LOC400499: variants seen among roughly 807,000 people sequenced by gnomAD.
At chr16:11,388,645 G>A in the LOC400499 span, among the ~76,000 whole-genome samples, 103,985 of 151,956 alleles carry the variant, frequency 0.68, 38,516 homozygotes, top group Non-Finnish European at 0.82. Flanking sequence ...GGCCAAAAGG[G>A]TCTTTTAAAG....
chr16:11,383,712 G>C, the LOC400499 span: 50 of 1,232,400 alleles, frequency 4.1e-5, no homozygotes, highest in Non-Finnish European at 5.1e-5. Context: ...CCGCCAGGTT[G>C]CAGGCAGGCT....
At chr16:11,397,427 C>T in the LOC400499 span, among the ~76,000 whole-genome samples, 3 of 152,120 alleles carry the variant, frequency 2.0e-5, no homozygotes, top group African/African-American at 7.2e-5. Context: ...GCACGTGCCA[C>T]CGTGCCCAGC....
the LOC400499 span, among the ~76,000 whole-genome samples, chr16:11,407,971 T>TTTTTTTTTTTTTG: frequency 1.2e-4 from 1 of 8,644 alleles, no homozygotes; most frequent in African/African-American, 1.8e-4. Flanking sequence ...TCCAGAGCTG[T>TTTTTTTTTTTTTG]TTTTTTTTTT....
chr16:11,460,711 A>AC, the LOC400499 span: 3 of 1,422,038 alleles, frequency 2.1e-6, no homozygotes, highest in Non-Finnish European at 2.8e-6. Flanking sequence ...CCTCAGCCAC[A>AC]CCCCCCATGC....
chr16:11,466,424 G>A, the LOC400499 span, among the ~76,000 whole-genome samples: 14 of 150,712 alleles, frequency 9.3e-5, no homozygotes, highest in Admixed American at 3.3e-4. Context: ...GTCTCGCTCT[G>A]TTGCCCAGGC....
the LOC400499 span, among the ~76,000 whole-genome samples, chr16:11,454,758 C>T: frequency 6.6e-6 from 1 of 152,218 alleles, no homozygotes; most frequent in Non-Finnish European, 1.5e-5. Flanking sequence ...GAATACACCT[C>T]CAATGTATGC....
At chr16:11,523,428 G>T in the LOC400499 span, 1 of 398,762 alleles carries the variant, frequency 2.5e-6, no homozygotes, top group Non-Finnish European at 4.4e-6. Context: ...ACCTGTGCAC[G>T]CAGTCATGCA....
chr16:11,448,086 C>A, the LOC400499 span: 1 of 1,533,114 alleles, frequency 6.5e-7, no homozygotes, highest in Middle Eastern at 1.7e-4. Context: ...GCAACAAGAT[C>A]CAGGCTGAAG....
chr16:11,464,043 A>G, the LOC400499 span, among the ~76,000 whole-genome samples: 1 of 152,182 alleles, frequency 6.6e-6, no homozygotes, highest in Non-Finnish European at 1.5e-5. Flanking sequence ...ATGGATGTGT[A>G]TGGACTCTGT....
chr16:11,380,030 T>C, the LOC400499 span, among the ~76,000 whole-genome samples: 1 of 152,132 alleles, frequency 6.6e-6, no homozygotes, highest in Admixed American at 6.6e-5. Flanking sequence ...TTATCACAGC[T>C]CAATGTAACC....
the LOC400499 span, among the ~76,000 whole-genome samples, chr16:11,443,805 C>A: frequency 6.6e-6 from 1 of 151,650 alleles, no homozygotes; most frequent in Admixed American, 6.6e-5. Context: ...AGACCCTCAG[C>A]CAGGGGTGGT....
chr16:11,406,357 T>C, the LOC400499 span, among the ~76,000 whole-genome samples: 2 of 152,376 alleles, frequency 1.3e-5, no homozygotes, highest in South Asian at 4.1e-4. Flanking sequence ...TTTTTCCGGC[T>C]GTGTAATATT....
the LOC400499 span, among the ~76,000 whole-genome samples, chr16:11,410,432 T>A: frequency 6.6e-6 from 1 of 152,020 alleles, no homozygotes; most frequent in Non-Finnish European, 1.5e-5. Flanking sequence ...CCAGCCTGGG[T>A]GACAAAGAGA....
At chr16:11,440,974 G>A in the LOC400499 span, 4 of 398,988 alleles carry the variant, frequency 1.0e-5, no homozygotes, top group African/African-American at 2.1e-5. Context: ...GCCAGGCTGT[G>A]CCGGATTTCC....
chr16:11,495,391 T>G, the LOC400499 span, among the ~76,000 whole-genome samples: 1 of 151,756 alleles, frequency 6.6e-6, no homozygotes, highest in Middle Eastern at 3.4e-3. Flanking sequence ...ATCTTTTTTT[T>G]TTTTTTTAAG....
the LOC400499 span, among the ~76,000 whole-genome samples, chr16:11,524,361 G>GCCCCCCCCCCCCCCCCCCCCCCCCCC: frequency 1.1e-5 from 1 of 93,726 alleles, no homozygotes; most frequent in African/African-American, 6.4e-5. Flanking sequence ...CATCCACCCA[G>GCCCCCCCCCCCCCCCCCCCCCCCCCC]CCACCCACCC....
chr16:11,502,695 A>T, the LOC400499 span, among the ~76,000 whole-genome samples: 1 of 151,338 alleles, frequency 6.6e-6, no homozygotes, highest in Non-Finnish European at 1.5e-5. Flanking sequence ...GCTCACGGCA[A>T]CCTCCACCTC....
chr16:11,456,809 G>T, the LOC400499 span: 5 of 1,530,062 alleles, frequency 3.3e-6, no homozygotes, highest in Non-Finnish European at 4.4e-6. Flanking sequence ...AAGGCCTGGA[G>T]ATCAGAAACC....
chr16:11,443,369 G>T, the LOC400499 span: 9 of 411,290 alleles, frequency 2.2e-5, no homozygotes, highest in Non-Finnish European at 3.3e-5. Context: ...TGATCGGAGG[G>T]GTCTGTGCAT....
Sources: allele counts gnomAD v4.1 joint callset (sites outside exome capture counted in the v4.1 genomes callset), GRCh38; gene constraint gnomAD v4.1.1; transcripts MANE v1.5.